Variants in STX8 observed in about 807,000 individuals in gnomAD.
STX8 encodes the protein syntaxin 8, also known as syntaxin-8.
STX8 carries 23 observed loss-of-function variants against 37.5 expected under a neutral mutation model. The observed-to-expected ratio is 0.61, with a 90% CI of 0.44 to 0.87. The LOEUF (loss-of-function observed/expected upper bound fraction) is 0.87, where lower values mean the gene tolerates loss of function less well. Among genes scored for constraint, STX8 ranks in the 40% least tolerant of loss-of-function variants. The pLI, the probability that STX8 is intolerant of heterozygous loss-of-function variation, is 0.00. For synonymous variants in STX8, 115 were observed against 99.1 expected (o/e 1.16, Z -0.95); for missense variants, 313 against 284.7 (o/e 1.10, Z -0.71).
intron 6 of STX8, among the ~76,000 whole-genome samples, chr17:9,479,414 A>T (rs1016761339): frequency 7.9e-5 from 12 of 151,868 alleles, no homozygotes; most frequent in African/African-American, 2.7e-4. Context: ...CATGCCTGTG[A>T]TCCCAGCTAC....
At chr17:9,350,533 T>G (rs1026754193) in intron 7 of STX8, among the ~76,000 whole-genome samples, 2 of 152,104 alleles carry the variant, frequency 1.3e-5, no homozygotes, top group African/African-American at 4.8e-5. Flanking sequence ...TTTTTTTGTT[T>G]TTGTTTTTGT....
At chr17:9,519,471 C>T (rs1905262412) in intron 4 of STX8, among the ~76,000 whole-genome samples, 1 of 152,126 alleles carries the variant, frequency 6.6e-6, no homozygotes, top group African/African-American at 2.4e-5. Flanking sequence ...TTGGTACTGC[C>T]TTGGCTCAGA....
intron 7 of STX8, among the ~76,000 whole-genome samples, chr17:9,266,118 T>G (rs907458703): frequency 6.6e-6 from 1 of 152,086 alleles, no homozygotes; most frequent in Non-Finnish European, 1.5e-5. Context: ...GTTAATAAGA[T>G]GTAGGCTTAG....
At chr17:9,509,206 G>T (rs183563086) in intron 4 of STX8, among the ~76,000 whole-genome samples, 1 of 152,092 alleles carries the variant, frequency 6.6e-6, no homozygotes, top group Non-Finnish European at 1.5e-5. Flanking sequence ...CTGAGACCAC[G>T]CTACTGCACT....
Position 9,505,171 on chromosome 17 carries a change from C to G in STX8, c.324-9G>C. On this transcript the variant is annotated splice_polypyrimidine_tract_variant and intron_variant, in intron 4 of 7. Transcript: ENST00000306357. ...CACTCATCAGGCTGGACCTAAAGAA[C>G]AATATTAAATGCATGATATATCTCA... 1.2e-6 allele frequency: 2 copies of G among 1,606,180 alleles called. No individual in the cohort carries two copies. The highest frequency in any genetic ancestry group is 1.7e-6 in the Non-Finnish European group (2 of 1,177,142).
chr17:9,330,485 C>A (rs1401202973), intron 7 of STX8, among the ~76,000 whole-genome samples: 1 of 152,192 alleles, frequency 6.6e-6, no homozygotes, highest in Non-Finnish European at 1.5e-5. Context: ...TGGTGTTAGT[C>A]CATCCTTGCG....
intron 3 of STX8, among the ~76,000 whole-genome samples, chr17:9,552,558 T>C (rs1448847585): frequency 1.3e-5 from 2 of 152,184 alleles, no homozygotes; most frequent in Non-Finnish European, 2.9e-5. Context: ...GTTTGTTATG[T>C]AGTAATCACC....
At chr17:9,544,909 G>T (rs1906438856) in intron 4 of STX8, among the ~76,000 whole-genome samples, 1 of 152,088 alleles carries the variant, frequency 6.6e-6, no homozygotes, top group African/African-American at 2.4e-5. Flanking sequence ...GCAGTAGAAT[G>T]GTGGAAACCT....
chr17:9,310,526 T>C (rs1567778724), intron 7 of STX8, among the ~76,000 whole-genome samples: 2 of 152,196 alleles, frequency 1.3e-5, no homozygotes, highest in Non-Finnish European at 2.9e-5. Flanking sequence ...CTTGTCTCAA[T>C]ACAAAACCTT....
chr17:9,505,541 C>T (rs938139766), intron 4 of STX8, among the ~76,000 whole-genome samples: 5 of 152,176 alleles, frequency 3.3e-5, no homozygotes, highest in African/African-American at 4.8e-5. Context: ...TCAGAGGCTA[C>T]GTGACCCCAA....
chr17:9,413,034 C>G (rs1913035330), intron 6 of STX8, among the ~76,000 whole-genome samples: 1 of 152,126 alleles, frequency 6.6e-6, no homozygotes, highest in South Asian at 2.1e-4. Flanking sequence ...TGGGCTAAGT[C>G]CTAGATGTAT....
intron 2 of STX8, among the ~76,000 whole-genome samples, chr17:9,560,303 CAGG>C: frequency 6.9e-6 from 1 of 144,134 alleles, no homozygotes; most frequent in East Asian, 2.2e-4. Flanking sequence ...GAGGCTGAGG[CAGG>C]AGAATGGCTT....
At chr17:9,308,740 A>G (rs1306241372) in intron 7 of STX8, among the ~76,000 whole-genome samples, 1 of 151,650 alleles carries the variant, frequency 6.6e-6, no homozygotes, top group African/African-American at 2.4e-5. Context: ...AAAAAAAAAA[A>G]AAAAGGAATT....
rs867887858 is a variant in STX8, at chr17:9,430,035, C to A, written c.542-51382G>T. ...TATTATATATTATATATAATATATT[C>A]TATAGAATATATATATTCTATATAA... On this transcript the variant is annotated intron_variant, in intron 6 of 7. Transcript: ENST00000306357. Among the ~76,000 whole-genome samples the A allele has an allele frequency of 4.6e-3, 48 of 10,408 alleles. 12 individuals carry two copies. Among genetic ancestry groups the A allele is most frequent in the Admixed American group, 0.033 (22 of 662 alleles). The allele number at this position is 10,408 out of a possible 152,430, so 6.8% of individuals were successfully genotyped here. A position where few individuals can be genotyped will look rare whatever the true frequency, so the allele number is the denominator to read the frequency against.
intron 6 of STX8, among the ~76,000 whole-genome samples, chr17:9,414,483 T>C (rs1202080141): frequency 6.6e-6 from 1 of 152,188 alleles, no homozygotes; most frequent in Non-Finnish European, 1.5e-5. Flanking sequence ...CTCAATGTCA[T>C]ACTTACCTCA....
At chr17:9,254,985 A>G (rs1906734941) in intron 7 of STX8, among the ~76,000 whole-genome samples, 2 of 152,232 alleles carry the variant, frequency 1.3e-5, no homozygotes, top group African/African-American at 4.8e-5. Flanking sequence ...AAGAAGGCCA[A>G]TGAGTAAGAA....
chr17:9,371,903 A>T (rs1911412309), intron 7 of STX8, among the ~76,000 whole-genome samples: 2 of 152,160 alleles, frequency 1.3e-5, no homozygotes. Flanking sequence ...TTCTGTTCAG[A>T]TTCATGTCCA....
At chr17:9,308,738 A>T (rs1363586141) in intron 7 of STX8, among the ~76,000 whole-genome samples, 1 of 151,320 alleles carries the variant, frequency 6.6e-6, no homozygotes, top group Non-Finnish European at 1.5e-5. Flanking sequence ...AAAAAAAAAA[A>T]AAAAAAGGAA....
chr17:9,329,050 CAAAAAAAAAAAA>C (rs998679728), intron 7 of STX8, among the ~76,000 whole-genome samples: 947 of 27,936 alleles, frequency 0.034, 7 homozygotes, highest in African/African-American at 0.065. Context: ...GATTCCATCT[CAAAAAAAAAAAA>C]AAAAAAAAAA....
Sources: gnomAD v4.1 joint callset for allele counts (sites outside exome capture counted in the v4.1 genomes callset) on GRCh38, gnomAD v4.1.1 for gene constraint, MANE v1.5 for transcripts, NCBI Gene and HGNC (gene_info 2026-07-23, HGNC 2026-07-21) for gene names.